Variants in MLXIP observed in about 807,000 individuals in gnomAD.
MLXIP encodes MLX-interacting protein.
A neutral mutation model predicts 87.2 loss-of-function variants in MLXIP; 30 were observed. The ratio of observed to expected loss-of-function variants is 0.34; its 90% CI spans 0.26 to 0.47. MLXIP has a LOEUF of 0.47. Ranked by LOEUF, MLXIP falls within the 20% of genes least tolerant of loss-of-function variation. The pLI is 1.00. For missense variants in MLXIP, 1,002 were observed against 1,240.1 expected (o/e 0.81, Z 2.88); for synonymous variants, 530 against 514.0 (o/e 1.03, Z -0.42).
At chr12:122,097,567 A>G (rs1952373024) in intron 1 of MLXIP, among the ~76,000 whole-genome samples, 3 of 151,184 alleles carry the variant, frequency 2.0e-5, no homozygotes, top group South Asian at 4.2e-4. Context: ...CTGCTGAACT[A>G]TGATCACTGC....
intron 1 of MLXIP, among the ~76,000 whole-genome samples, chr12:122,093,533 TTGGTTTGGGGGGTG>T (rs1952283703): frequency 7.6e-6 from 1 of 131,288 alleles, no homozygotes; most frequent in Non-Finnish European, 1.6e-5. Flanking sequence ...GGTGTGTGTG[TTGGTTTGGGGGGTG>T]TGTTTGCGGT....
rs1031877116 is a variant in MLXIP at position 122,078,808 on chromosome 12, C to G, written c.-46C>G. On this transcript the variant is annotated 5_prime_UTR_variant, in exon 1 of 17. Coordinates refer to ENST00000319080, the MANE Select transcript of MLXIP (RefSeq NM_014938.6). ...GCGCCCCTCTGCCTCGCGCGCTTGT[C>G]GCGTTGCCCCGGGCTCCGGGGGATG... 2.2e-5 allele frequency: 23 copies of G among 1,033,792 alleles called. No individual in the cohort carries two copies. In the East Asian group the frequency reaches 1.3e-3, roughly 59 times the overall value. The allele number at this position is 1,033,792 out of a possible 1,614,324, so 64.0% of individuals were successfully genotyped here.
At position 122,138,548 on chromosome 12, in the gene MLXIP, T is replaced by A. The variant is rs1468649655; in HGVS notation, c.2381T>A (p.Ile794Asn). 1 of 1,610,610 alleles carries A rather than the reference T, an allele frequency of 6.2e-7. No homozygotes were observed. The highest frequency in any genetic ancestry group is 8.5e-7 in the Non-Finnish European group (1 of 1,178,742). ...GAGATCGAGGAGCTCAATGCCACCA[T>A]CATGTGAGCTTCTGGGCCTTGGGGC... Reference protein sequence around the residue: ...REEIEELNATIISCQQLLPAT... With the variant: ...REEIEELNATNISCQQLLPAT... Residue 794 changes from isoleucine to asparagine, a missense_variant, in exon 14 of 17, where the codon ATC (isoleucine) becomes AAC (asparagine). Transcript: ENST00000319080.
rs753004801 is a variant in MLXIP at position 122,141,092 on chromosome 12, G to A, written c.2638+9G>A. 9 of 1,604,240 alleles carry A rather than the reference G, an allele frequency of 5.6e-6. No individual in the cohort carries two copies. The highest frequency in any genetic ancestry group is 1.3e-5 in the African/African-American group (1 of 74,850). On this transcript the variant is annotated intron_variant, in intron 16 of 16. Coordinates refer to ENST00000319080, the MANE Select transcript of MLXIP (RefSeq NM_014938.6). ...GCCCATCCTCAGGCCGAGTGAGTGGGGCAGTGCCAGGGTGGGGGGCTTCAT... is the reference window on the plus strand; with the variant it reads ...GCCCATCCTCAGGCCGAGTGAGTGGAGCAGTGCCAGGGTGGGGGGCTTCAT...
intron 1 of MLXIP, among the ~76,000 whole-genome samples, chr12:122,116,053 AACACACACAC>A (rs138548664): frequency 1.6e-4 from 24 of 147,224 alleles, no homozygotes; most frequent in Non-Finnish European, 1.8e-4. Context: ...TCCATCTGAA[AACACACACAC>A]ACACACACAC....
chr12:122,108,347 G>A (rs988097212), intron 1 of MLXIP, among the ~76,000 whole-genome samples: 17 of 131,166 alleles, frequency 1.3e-4, no homozygotes, highest in African/African-American at 3.8e-4. Context: ...CTAGCCTGGC[G>A]ACAGAGCGAG....
Position 122,138,875 on chromosome 12 carries a change from C to T in MLXIP, c.2445C>T (p.His815=). The change falls in exon 15 of 17, where the codon CAC becomes CAT. Residue 815 remains histidine, a synonymous_variant. Coordinates refer to ENST00000319080, the MANE Select transcript of MLXIP (RefSeq NM_014938.6). ...CCGTTACCCGGCGCCAGTTTGATCA[C>T]ATGAAAGACATGTTTGACGAATACG... ...GVPVTRRQFD[H]MKDMFDEYVK... 6.2e-7 allele frequency: 1 copy of T among 1,614,080 alleles called. No homozygotes were observed. The highest frequency in any genetic ancestry group is 1.1e-5 in the South Asian group (1 of 91,090).
chr12:122,097,822 C>T (rs1389138267), intron 1 of MLXIP, among the ~76,000 whole-genome samples: 5 of 148,728 alleles, frequency 3.4e-5, no homozygotes, highest in African/African-American at 1.3e-4. Context: ...TCTCTGTTTC[C>T]CTTTAGTTTT....
rs1953248731 is a variant in MLXIP at position 122,143,600 on chromosome 12, A to AAAAGGAAG, written c.*1791_*1798dup. ...GGAATTCCACCAAGGCCAGAAGGGA[A>AAAAGGAAG]AAAGGAAGAACCCACCGTGTCTGGC... On this transcript the variant is annotated 3_prime_UTR_variant, in exon 17 of 17. Coordinates refer to ENST00000319080, the MANE Select transcript of MLXIP (RefSeq NM_014938.6). The AAAAGGAAG allele has an allele frequency of 6.6e-6, 1 of 152,354 alleles. No individual in the cohort carries two copies. Among genetic ancestry groups the AAAAGGAAG allele is most frequent in the African/African-American group, 2.4e-5 (1 of 41,458 alleles). The allele number at this position is 152,354 out of a possible 1,614,324, so 9.4% of individuals were successfully genotyped here. A position where few individuals can be genotyped will look rare whatever the true frequency, so the allele number is the denominator to read the frequency against.
intron 7 of MLXIP, 121 bp from the exon 8 acceptor site, chr12:122,132,171 C>T: frequency 1.5e-6 from 1 of 688,162 alleles, no homozygotes; most frequent in South Asian, 1.7e-5. Flanking sequence ...ATCTGCCTAC[C>T]TCGGCCTCCC....
Position 122,127,980 on chromosome 12 carries a change from T to C in MLXIP, c.606+12T>C. 1 of 1,610,898 alleles carries C rather than the reference T, an allele frequency of 6.2e-7. No individual in the cohort carries two copies. The highest frequency in any genetic ancestry group is 8.5e-7 in the Non-Finnish European group (1 of 1,177,950). ...ACCGCCGGCCGGAGGTACTTGGCAG[T>C]GACCAAGGGTGGCTGAGAGTGGAAA... On this transcript the variant is annotated intron_variant, in intron 3 of 16. Coordinates refer to ENST00000319080, the MANE Select transcript of MLXIP (RefSeq NM_014938.6).
chr12:122,112,341 T>TA (rs1020101336), intron 1 of MLXIP, among the ~76,000 whole-genome samples: 37 of 152,262 alleles, frequency 2.4e-4, no homozygotes, highest in African/African-American at 8.9e-4. Context: ...GTGAAATCAT[T>TA]AAAAATGTAT....
At chr12:122,099,201 C>T (rs1032457633) in intron 1 of MLXIP, among the ~76,000 whole-genome samples, 3 of 152,362 alleles carry the variant, frequency 2.0e-5, no homozygotes, top group South Asian at 2.1e-4. Context: ...CGTGCCACTG[C>T]ACTTCAGCTG....
intron 1 of MLXIP, among the ~76,000 whole-genome samples, chr12:122,095,297 TGG>T (rs1241394748): frequency 2.6e-5 from 4 of 151,440 alleles, no homozygotes; most frequent in Admixed American, 6.6e-5. Context: ...GTTGTGTGTG[TGG>T]GGGGGTGTGT....
chr12:122,103,209 A>G (rs1952464639), intron 1 of MLXIP, among the ~76,000 whole-genome samples: 1 of 47,352 alleles, frequency 2.1e-5, no homozygotes, highest in East Asian at 7.5e-4. Context: ...GTATTTATTT[A>G]TTTATTTATT....
At chr12:122,096,113 T>TG (rs1952347720) in intron 1 of MLXIP, among the ~76,000 whole-genome samples, 1 of 152,018 alleles carries the variant, frequency 6.6e-6, no homozygotes, top group South Asian at 2.1e-4. Flanking sequence ...GGTCTCACTT[T>TG]GTTGCCTAGG....
intron 7 of MLXIP, among the ~76,000 whole-genome samples, chr12:122,131,947 G>A (rs1257653152): frequency 1.8e-5 from 2 of 111,042 alleles, no homozygotes; most frequent in African/African-American, 3.4e-5. Context: ...TTTTTGAGAC[G>A]GGAATCTCGC....
rs764649217 is a variant in MLXIP at position 122,135,473 on chromosome 12, T to C, written c.1855-16T>C. 1 of 1,609,742 alleles carries C rather than the reference T, an allele frequency of 6.2e-7. No individual in the cohort carries two copies. Among genetic ancestry groups the C allele is most frequent in the East Asian group, 2.2e-5 (1 of 44,698 alleles). ...TATCAGCAGTCAGGGGTGACCTGTC[T>C]CCCATGTCACTGCAGGCTCCTGGGG... On this transcript the variant is annotated splice_polypyrimidine_tract_variant and intron_variant, in intron 10 of 16. Transcript: ENST00000319080. This position sits in a 1 kb window ranked among gnomAD's most constrained non-coding sequence, Gnocchi z 5.3.
intron 2 of MLXIP, 135 bp downstream of exon 2, chr12:122,127,497 C>G: frequency 1.5e-6 from 1 of 667,562 alleles, no homozygotes; most frequent in Non-Finnish European, 2.5e-6. Flanking sequence ...ACAGGAAACC[C>G]AAGCCATCAG....
Sources: allele counts gnomAD v4.1 joint callset (sites outside exome capture counted in the v4.1 genomes callset), GRCh38; gene constraint gnomAD v4.1.1; non-coding constraint Gnocchi (gnomAD v3.1); transcripts MANE v1.5; gene names NCBI Gene and HGNC (gene_info 2026-07-23, HGNC 2026-07-21).